PPM1L: variants seen among roughly 807,000 people sequenced by gnomAD.
PPM1L encodes protein phosphatase, Mg2+/Mn2+ dependent 1L.
A neutral mutation model predicts 31.4 loss-of-function variants in PPM1L; 13 were observed. The ratio of observed to expected loss-of-function variants is 0.41; its 90% CI spans 0.27 to 0.66. The LOEUF (loss-of-function observed/expected upper bound fraction) is 0.66. Among genes scored for constraint, PPM1L ranks in the 30% least tolerant of loss-of-function variants. PPM1L has a pLI of 0.29. For missense variants in PPM1L, 326 were observed against 453.7 expected, an observed-to-expected ratio of 0.72 and a Z score of 2.56; for synonymous variants, 184 against 175.4, an observed-to-expected ratio of 1.05 and a Z score of -0.39.
chr3:160,906,629 A>AAGAAAAGAAAAGAAAAGAAC (rs1553820142), intron 1 of PPM1L, among the ~76,000 whole-genome samples: 2,014 of 142,034 alleles, frequency 0.014, 115 homozygotes, highest in African/African-American at 0.047. Context: ...AAGAAAAGAA[A>AAGAAAAGAAAAGAAAAGAAC]AGAACCCAGG....
chr3:160,788,721 A>G (rs1373886268), intron 1 of PPM1L, among the ~76,000 whole-genome samples: 1 of 152,064 alleles, frequency 6.6e-6, no homozygotes, highest in African/African-American at 2.4e-5. Flanking sequence ...CCTTTGATCA[A>G]TTAGAAATGT....
intron 2 of PPM1L, among the ~76,000 whole-genome samples, chr3:161,020,035 A>T (rs1718196027): frequency 6.6e-6 from 1 of 151,834 alleles, no homozygotes; most frequent in Non-Finnish European, 1.5e-5. Flanking sequence ...CTGAGGCATG[A>T]GAATCACTTG....
intron 1 of PPM1L, among the ~76,000 whole-genome samples, chr3:160,959,092 A>G (rs745645845): frequency 6.6e-6 from 1 of 152,270 alleles, no homozygotes; most frequent in Non-Finnish European, 1.5e-5. Flanking sequence ...TGTGTTGTAT[A>G]TACACCATGG....
intron 1 of PPM1L, among the ~76,000 whole-genome samples, chr3:160,838,585 A>C (rs543485112): frequency 4.6e-5 from 7 of 152,292 alleles, no homozygotes; most frequent in African/African-American, 1.7e-4. Flanking sequence ...TTAAAGAAAA[A>C]CAACTATGTA....
chr3:161,013,239 G>A (rs1054352477), intron 2 of PPM1L, among the ~76,000 whole-genome samples: 25 of 152,118 alleles, frequency 1.6e-4, no homozygotes, highest in Non-Finnish European at 1.5e-5. Context: ...GTTCTCATTG[G>A]TTTCAAAGAA....
intron 1 of PPM1L, among the ~76,000 whole-genome samples, chr3:160,812,677 A>G (rs1218132921): frequency 2.6e-5 from 4 of 152,136 alleles, no homozygotes; most frequent in Non-Finnish European, 4.4e-5. Context: ...AGAGTATGCA[A>G]AGACAGGGTG....
At chr3:160,903,164 A>AGTGTGTGTGTGTGTGTGTGTGTGTGT (rs60731351) in intron 1 of PPM1L, among the ~76,000 whole-genome samples, 30 of 106,580 alleles carry the variant, frequency 2.8e-4, no homozygotes, top group African/African-American at 1.2e-3. Flanking sequence ...TAGAAGCAAT[A>AGTGTGTGTGTGTGTGTGTGTGTGTGT]GTGTGTGTGT....
chr3:160,921,857 A>G (rs12639128), intron 1 of PPM1L, among the ~76,000 whole-genome samples: 63,032 of 152,074 alleles, frequency 0.41, 14,564 homozygotes, highest in Non-Finnish European at 0.54. Flanking sequence ...AAGGTTACTT[A>G]TGACCAGGGA....
rs1312438478 is a variant in PPM1L at position 161,030,645 on chromosome 3, CAATT to C, written c.575-34756_575-34753del. Among the ~76,000 whole-genome samples, 5 of 152,184 alleles carry C rather than the reference CAATT, an allele frequency of 3.3e-5. 1 individual carries two copies. The highest frequency in any genetic ancestry group is 9.6e-5 in the African/African-American group (4 of 41,520). ...GGTATTTCATCATTTAGAGGACTACCAATTAGAGTCAGACTTCTAGATGGGCCCA... is the reference window on the plus strand; with the variant it reads ...GGTATTTCATCATTTAGAGGACTACCAGAGTCAGACTTCTAGATGGGCCCA... On this transcript the variant is annotated intron_variant, in intron 2 of 3. Transcript: ENST00000498165.
chr3:160,835,036 ACTACTT>A (rs1713656423), intron 1 of PPM1L, among the ~76,000 whole-genome samples: 3 of 71,996 alleles, frequency 4.2e-5, no homozygotes, highest in South Asian at 4.6e-4. Flanking sequence ...TATTACTACT[ACTACTT>A]CTTCTTCTTC....
At chr3:160,786,110 A>C (rs1161417717) in intron 1 of PPM1L, among the ~76,000 whole-genome samples, 1 of 130,808 alleles carries the variant, frequency 7.6e-6, no homozygotes, top group African/African-American at 2.9e-5. Flanking sequence ...AAGTTGGATA[A>C]AGATGGAATC....
At position 161,074,386 on chromosome 3, in the gene PPM1L, G is replaced by A. The variant is rs1720036432; in HGVS notation, c.*5229G>A. 6.6e-6 allele frequency: 1 copy of A among 152,186 alleles called. No homozygotes were observed. Among genetic ancestry groups the A allele is most frequent in the Admixed American group, 6.5e-5 (1 of 15,278 alleles). The allele number at this position is 152,186 out of a possible 1,614,324, so 9.4% of individuals were successfully genotyped here. Reference sequence around the variant, plus strand: ...CTATGAGAGATTACCCCAAAGTCATGGATGAAACAAATCTAGTCGAAAACA... The same window carrying A: ...CTATGAGAGATTACCCCAAAGTCATAGATGAAACAAATCTAGTCGAAAACA... On this transcript the variant is annotated 3_prime_UTR_variant, in exon 4 of 4. Coordinates refer to ENST00000498165, the MANE Select transcript of PPM1L (RefSeq NM_139245.4).
At chr3:160,966,429 A>AT (rs1716146034) in intron 2 of PPM1L, among the ~76,000 whole-genome samples, 1 of 152,062 alleles carries the variant, frequency 6.6e-6, no homozygotes, top group Non-Finnish European at 1.5e-5. Context: ...TTTTATTGTG[A>AT]TTTTATATCC....
intron 1 of PPM1L, among the ~76,000 whole-genome samples, chr3:160,885,235 T>C (rs572839288): frequency 6.6e-6 from 1 of 152,152 alleles, no homozygotes; most frequent in South Asian, 2.1e-4. Flanking sequence ...TTACTTTTTT[T>C]TGGGTAAGAA....
At chr3:160,854,879 CAAAA>C (rs33923660) in intron 1 of PPM1L, among the ~76,000 whole-genome samples, 27 of 95,614 alleles carry the variant, frequency 2.8e-4, no homozygotes, top group Middle Eastern at 7.4e-3. Context: ...CATGTGGAAC[CAAAA>C]AAAAAAAAAA....
chr3:161,025,630 A>G lies in PPM1L; in HGVS notation c.575-39773A>G, dbSNP rs868785961. Among the ~76,000 whole-genome samples the G allele has an allele frequency of 3.3e-5, 5 of 151,384 alleles. No homozygotes were observed. In the South Asian group the frequency reaches 6.3e-4, roughly 19 times the overall value. On this transcript the variant is annotated intron_variant, in intron 2 of 3. Transcript: ENST00000498165. ...CAGCATTTGGTTAGCTTGCCCTTCT[A>G]TCTTCTACCATGTGAGGACTCAGCA...
chr3:160,905,183 A>C (rs924737930), intron 1 of PPM1L, among the ~76,000 whole-genome samples: 14 of 152,186 alleles, frequency 9.2e-5, no homozygotes, highest in Non-Finnish European at 1.9e-4. Flanking sequence ...TATCTTTATT[A>C]TACGAAATTT....
At chr3:160,864,689 T>C (rs1265172237) in intron 1 of PPM1L, among the ~76,000 whole-genome samples, 1 of 152,240 alleles carries the variant, frequency 6.6e-6, no homozygotes, top group African/African-American at 2.4e-5. Flanking sequence ...ATAAGTCTTG[T>C]GGTCATGGAT....
intron 2 of PPM1L, among the ~76,000 whole-genome samples, chr3:161,004,879 C>A (rs534303724): frequency 0.013 from 1,979 of 152,176 alleles, 42 homozygotes; most frequent in African/African-American, 0.045. Context: ...TTGCCTTCTG[C>A]TAGCTTTTGA....
Sources: allele counts gnomAD v4.1 joint callset (sites outside exome capture counted in the v4.1 genomes callset), GRCh38; gene constraint gnomAD v4.1.1; transcripts MANE v1.5; gene names NCBI Gene and HGNC (gene_info 2026-07-23, HGNC 2026-07-21).